Variants in SPIDR observed in about 807,000 individuals in gnomAD.
SPIDR encodes the protein DNA repair-scaffolding protein.
In SPIDR, 93 loss-of-function variants were observed where a neutral mutation model predicts 104.6. That is an observed-to-expected ratio of 0.89 (90% confidence interval 0.75 to 1.06). The LOEUF (loss-of-function observed/expected upper bound fraction) is 1.06. SPIDR is among the 50% of genes least tolerant of loss of function. The probability of loss-of-function intolerance (pLI) is 0.00; values close to 1 mark genes in which losing one functional copy is unlikely to be tolerated. For missense variants in SPIDR, 1,154 were observed against 1,111.2 expected (o/e 1.04, Z -0.55); for synonymous variants, 431 against 416.9 (o/e 1.03, Z -0.41).
intron 5 of SPIDR, among the ~76,000 whole-genome samples, chr8:47,374,229 CTT>C (rs1330989443): frequency 2.0e-5 from 3 of 152,248 alleles, no homozygotes; most frequent in South Asian, 2.1e-4. Context: ...TCCATTAAAA[CTT>C]TTTTTGCTGG....
intron 5 of SPIDR, among the ~76,000 whole-genome samples, chr8:47,370,899 C>T (rs1435234650): frequency 2.6e-5 from 4 of 152,104 alleles, no homozygotes; most frequent in African/African-American, 9.7e-5. Context: ...ATTTCCTGCT[C>T]CTGCTTAACA....
chr8:47,606,830 A>C (rs1588315058), intron 10 of SPIDR, among the ~76,000 whole-genome samples: 1 of 152,276 alleles, frequency 6.6e-6, no homozygotes, highest in East Asian at 1.9e-4. Flanking sequence ...TCTTCCCACT[A>C]AACAGTTGGG....
chr8:47,345,876 G>A (rs1311693238), intron 5 of SPIDR, among the ~76,000 whole-genome samples: 2 of 152,074 alleles, frequency 1.3e-5, no homozygotes, highest in East Asian at 1.9e-4. Context: ...GAGACGATGG[G>A]GTTTTCTAAA....
At chr8:47,273,143 G>A (rs767572271) in intron 1 of SPIDR, among the ~76,000 whole-genome samples, 60 of 152,134 alleles carry the variant, frequency 3.9e-4, no homozygotes, top group African/African-American at 5.8e-4. Flanking sequence ...GTGAGATCAC[G>A]CAGGTTCAGG....
intron 6 of SPIDR, 93 bp from the exon 7 acceptor site, chr8:47,407,768 T>A: frequency 1.6e-6 from 1 of 631,572 alleles, no homozygotes; most frequent in South Asian, 2.8e-5. Context: ...TTTATCTGTT[T>A]GTCTCTGGTT....
At chr8:47,724,389 AC>A (rs1231319673) in intron 16 of SPIDR, among the ~76,000 whole-genome samples, 1 of 152,180 alleles carries the variant, frequency 6.6e-6, no homozygotes, top group Non-Finnish European at 1.5e-5. Context: ...CAGCCTGCAC[AC>A]CCACCAGCCA....
At chr8:47,268,338 A>G (rs1264635659) in intron 1 of SPIDR, among the ~76,000 whole-genome samples, 1 of 152,166 alleles carries the variant, frequency 6.6e-6, no homozygotes, top group Non-Finnish European at 1.5e-5. Flanking sequence ...TTCCATATGA[A>G]TAATAGCAGC....
intron 5 of SPIDR, among the ~76,000 whole-genome samples, chr8:47,350,158 T>G (rs2053178526): frequency 6.6e-6 from 1 of 152,258 alleles, no homozygotes; most frequent in Non-Finnish European, 1.5e-5. Flanking sequence ...AATCCCCATT[T>G]TAATGAAATT....
chr8:47,642,178 C>T (rs1232252843), intron 10 of SPIDR, among the ~76,000 whole-genome samples: 1 of 152,118 alleles, frequency 6.6e-6, no homozygotes, highest in African/African-American at 2.4e-5. Context: ...AATCCCAGCA[C>T]TTTGGGAGGC....
intron 8 of SPIDR, among the ~76,000 whole-genome samples, chr8:47,554,545 T>C (rs2091060153): frequency 6.6e-6 from 1 of 152,262 alleles, no homozygotes. Flanking sequence ...TGGAACCCTC[T>C]GAGCCATGCG....
At chr8:47,660,415 G>T in intron 10 of SPIDR, 1 of 984,264 alleles carries the variant, frequency 1.0e-6, no homozygotes, top group South Asian at 4.7e-5. Context: ...TCTGGCACCA[G>T]TTTTAATCGG....
intron 10 of SPIDR, among the ~76,000 whole-genome samples, chr8:47,601,794 C>A (rs560230272): frequency 8.5e-5 from 13 of 152,096 alleles, no homozygotes; most frequent in African/African-American, 2.4e-4. Context: ...GTGTTTTGCC[C>A]TGGGGAGACT....
At chr8:47,673,710 T>C (rs1381215155) in intron 10 of SPIDR, 91 bp from the exon 11 acceptor site, 6 of 1,540,428 alleles carry the variant, frequency 3.9e-6, no homozygotes, top group Non-Finnish European at 5.4e-6. Flanking sequence ...CAGCAGTATA[T>C]AGTGGCTTTA....
chr8:47,336,320 A>G (rs532180916), intron 5 of SPIDR, among the ~76,000 whole-genome samples: 1 of 152,328 alleles, frequency 6.6e-6, no homozygotes, highest in East Asian at 1.9e-4. Flanking sequence ...TTACTGAAAC[A>G]CCAGGGGTTT....
chr8:47,313,910 A>C (rs587732018), intron 5 of SPIDR, among the ~76,000 whole-genome samples: 35 of 152,364 alleles, frequency 2.3e-4, no homozygotes, highest in African/African-American at 7.9e-4. Context: ...CTAGCTAAGA[A>C]AATCTTTATA....
At chr8:47,357,929 G>T in intron 5 of SPIDR, 4 of 901,614 alleles carry the variant, frequency 4.4e-6, no homozygotes, top group Non-Finnish European at 5.3e-6. Flanking sequence ...ATTTCAGCAG[G>T]CTTGCATGTA....
At chr8:47,423,382 G>T (rs536162121) in intron 7 of SPIDR, among the ~76,000 whole-genome samples, 6 of 151,870 alleles carry the variant, frequency 4.0e-5, no homozygotes, top group African/African-American at 1.4e-4. Context: ...TGAGGCAGGT[G>T]ATCACTTGAG....
chr8:47,399,498 A>C (rs2061603898), intron 6 of SPIDR, among the ~76,000 whole-genome samples: 1 of 152,104 alleles, frequency 6.6e-6, no homozygotes, highest in Non-Finnish European at 1.5e-5. Flanking sequence ...ATGAGAACGG[A>C]GTTGTGGAGG....
At chr8:47,297,022 T>C (rs957396545) in intron 5 of SPIDR, among the ~76,000 whole-genome samples, 2 of 152,242 alleles carry the variant, frequency 1.3e-5, no homozygotes, top group Non-Finnish European at 2.9e-5. Context: ...TTAATTTCTT[T>C]TTCAGGTACT....
Sources: gnomAD v4.1 joint callset for allele counts (sites outside exome capture counted in the v4.1 genomes callset) on GRCh38, gnomAD v4.1.1 for gene constraint, MANE v1.5 for transcripts, NCBI Gene and HGNC (gene_info 2026-07-23, HGNC 2026-07-21) for gene names.